The following GRIA4 variants were observed in gnomAD, a reference collection of about 807,000 sequenced individuals.
GRIA4 encodes glutamate ionotropic receptor AMPA type subunit 4, also known as glutamate receptor 4.
GRIA4 carries 34 observed loss-of-function variants against 104.0 expected under a neutral mutation model. That is an observed-to-expected ratio of 0.33 (90% CI 0.25 to 0.44). The LOEUF is 0.44. Among genes scored for constraint, GRIA4 ranks in the 20% least tolerant of loss-of-function variants. GRIA4 has a pLI of 1.00. For missense variants in GRIA4, 750 were observed against 1,096.5 expected (o/e 0.68, Z 4.46); for synonymous variants, 386 against 381.9 (o/e 1.01, Z -0.13).
chr11:105,953,293 A>AT (rs1189200873), intron 14 of GRIA4, among the ~76,000 whole-genome samples: 15 of 152,104 alleles, frequency 9.9e-5, no homozygotes, highest in Non-Finnish European at 2.1e-4. Flanking sequence ...TAAAATAGTC[A>AT]TTTTTTCTCA....
At chr11:105,912,079 T>C in intron 10 of GRIA4, 1 of 1,119,764 alleles carries the variant, frequency 8.9e-7, no homozygotes, top group Non-Finnish European at 1.1e-6. Flanking sequence ...TCTGAGATAC[T>C]AGAACAAAAG....
chr11:105,809,579 G>A (rs1385229703), intron 4 of GRIA4, among the ~76,000 whole-genome samples: 4 of 152,018 alleles, frequency 2.6e-5, no homozygotes, highest in Non-Finnish European at 4.4e-5. Flanking sequence ...CTATGCTGTC[G>A]CGTGATAGTG....
intron 4 of GRIA4, among the ~76,000 whole-genome samples, chr11:105,826,530 G>A (rs1255908591): frequency 6.6e-6 from 1 of 151,984 alleles, no homozygotes; most frequent in African/African-American, 2.4e-5. Flanking sequence ...ATGGATCCAG[G>A]TTTGTCATGA....
chr11:105,880,858 T>C (rs923527297), intron 5 of GRIA4, among the ~76,000 whole-genome samples: 1 of 152,150 alleles, frequency 6.6e-6, no homozygotes, highest in African/African-American at 2.4e-5. Context: ...TAAATATAAA[T>C]ATAGAATGAT....
intron 4 of GRIA4, among the ~76,000 whole-genome samples, chr11:105,803,843 CCA>C (rs1942827809): frequency 1.1e-5 from 1 of 91,374 alleles, no homozygotes. Flanking sequence ...TGGTGCTATA[CCA>C]AAAAAAAAAA....
intron 4 of GRIA4, among the ~76,000 whole-genome samples, chr11:105,816,768 T>G (rs953811745): frequency 6.6e-6 from 1 of 152,030 alleles, no homozygotes; most frequent in East Asian, 1.9e-4. Context: ...TCCCAGCAAG[T>G]TGGGAGGCCG....
intron 4 of GRIA4, among the ~76,000 whole-genome samples, chr11:105,843,912 G>A (rs753713414): frequency 7.2e-5 from 11 of 151,946 alleles, no homozygotes; most frequent in South Asian, 4.2e-4. Flanking sequence ...AATGCTTTTC[G>A]CCAGCTCTCA....
At chr11:105,614,912 C>G (rs1047280901) in intron 3 of GRIA4, among the ~76,000 whole-genome samples, 72 of 151,762 alleles carry the variant, frequency 4.7e-4, no homozygotes, top group Non-Finnish European at 8.0e-4. Flanking sequence ...ATTTATCAAG[C>G]TCTATGCCTT....
chr11:105,717,513 A>G (rs1035197237), intron 3 of GRIA4, among the ~76,000 whole-genome samples: 1 of 152,062 alleles, frequency 6.6e-6, no homozygotes, highest in African/African-American at 2.4e-5. Flanking sequence ...CTGAATTTCT[A>G]AAAAGACATT....
intron 4 of GRIA4, among the ~76,000 whole-genome samples, chr11:105,860,403 G>A (rs868807881): frequency 7.2e-5 from 11 of 152,094 alleles, no homozygotes; most frequent in African/African-American, 1.9e-4. Context: ...CGGTATACTC[G>A]TTTTAAATCT....
At chr11:105,616,595 G>A (rs1950607314) in intron 3 of GRIA4, among the ~76,000 whole-genome samples, 1 of 151,312 alleles carries the variant, frequency 6.6e-6, no homozygotes, top group South Asian at 2.1e-4. Flanking sequence ...AAATATTTTT[G>A]CACGTTTTCT....
chr11:105,844,663 C>G (rs956671860), intron 4 of GRIA4, among the ~76,000 whole-genome samples: 1 of 152,120 alleles, frequency 6.6e-6, no homozygotes, highest in African/African-American at 2.4e-5. Flanking sequence ...CTCCAAAGAT[C>G]CTAAAAGTTT....
intron 3 of GRIA4, among the ~76,000 whole-genome samples, chr11:105,722,625 T>C (rs1427316859): frequency 6.6e-6 from 1 of 152,164 alleles, no homozygotes; most frequent in African/African-American, 2.4e-5. Flanking sequence ...ATAACTTTAC[T>C]GATACTACTA....
At chr11:105,736,543 A>G (rs553803299) in intron 3 of GRIA4, among the ~76,000 whole-genome samples, 144 of 152,228 alleles carry the variant, frequency 9.5e-4, no homozygotes, top group Non-Finnish European at 1.5e-3. Flanking sequence ...TGTATAGTAT[A>G]TATATAGTAT....
intron 3 of GRIA4, among the ~76,000 whole-genome samples, chr11:105,725,188 C>T (rs1278214804): frequency 1.3e-5 from 2 of 152,036 alleles, no homozygotes; most frequent in Non-Finnish European, 1.5e-5. Flanking sequence ...TTTAAGCATG[C>T]AATATTAGCT....
chr11:105,784,930 G>GA (rs1941893073), intron 4 of GRIA4, among the ~76,000 whole-genome samples: 1 of 152,172 alleles, frequency 6.6e-6, no homozygotes, highest in South Asian at 2.1e-4. Context: ...TAAGGCCCAG[G>GA]AATCTGCAGT....
At chr11:105,918,690 A>G (rs1263800896) in intron 10 of GRIA4, 22 bp from the exon 11 acceptor site, 7 of 1,111,040 alleles carry the variant, frequency 6.3e-6, no homozygotes, top group Non-Finnish European at 6.9e-6. Flanking sequence ...TCTCCTTTAC[A>G]GTTCTACTTC....
intron 6 of GRIA4, among the ~76,000 whole-genome samples, chr11:105,893,759 T>A (rs1946538909): frequency 6.6e-6 from 1 of 152,194 alleles, no homozygotes; most frequent in Non-Finnish European, 1.5e-5. Context: ...AATAATGTCA[T>A]CAATTAGCAA....
At chr11:105,828,730 C>T (rs1480418769) in intron 4 of GRIA4, among the ~76,000 whole-genome samples, 1 of 151,378 alleles carries the variant, frequency 6.6e-6, no homozygotes, top group East Asian at 1.9e-4. Context: ...TTTGATTTTC[C>T]ATACATGGTG....
Sources: gnomAD v4.1 joint callset for allele counts (sites outside exome capture counted in the v4.1 genomes callset) on GRCh38, gnomAD v4.1.1 for gene constraint, MANE v1.5 for transcripts, NCBI Gene and HGNC (gene_info 2026-07-23, HGNC 2026-07-21) for gene names.